CDH12: variants seen among roughly 807,000 people sequenced by gnomAD.
CDH12 encodes cadherin 12.
CDH12 carries 41 observed loss-of-function variants against 74.1 expected under a neutral mutation model. That is an observed-to-expected ratio of 0.55 (90% CI 0.43 to 0.72). The LOEUF (loss-of-function observed/expected upper bound fraction) is 0.72. CDH12 is among the 30% of genes least tolerant of loss of function. The pLI, the probability that CDH12 is intolerant of heterozygous loss-of-function variation, is 0.00. For missense variants in CDH12, 945 were observed against 977.2 expected, an observed-to-expected ratio of 0.97 and a Z score of 0.44; for synonymous variants, 399 against 355.0, an observed-to-expected ratio of 1.12 and a Z score of -1.39.
Position 22,751,256 on chromosome 5 carries a change from G to A in CDH12, c.-523+101802C>T, listed in dbSNP as rs1745556795. The stretch of plus-strand genomic sequence containing the variant: ...CTTATCGCATATCTGAAAAAGCACA[G>A]TGGTCCCTTTTTGAGAATAATGGAA... On this transcript the variant is annotated intron_variant, in intron 1 of 14. Transcript: ENST00000382254. 1.3e-5 allele frequency among the ~76,000 whole-genome samples: 2 copies of A among 150,246 alleles called. 1 individual carries two copies. Among genetic ancestry groups the A allele is most frequent in the South Asian group, 4.2e-4 (2 of 4,794 alleles).
At chr5:22,137,802 G>C (rs5018086) in intron 4 of CDH12, among the ~76,000 whole-genome samples, 55,161 of 147,824 alleles carry the variant, frequency 0.37, 9,388 homozygotes, top group Middle Eastern at 0.48. Context: ...AACAAAACTG[G>C]GCCCCATGGA....
chr5:22,509,723 C>T (rs1347043362), intron 1 of CDH12, among the ~76,000 whole-genome samples: 2 of 152,040 alleles, frequency 1.3e-5, no homozygotes, highest in African/African-American at 4.8e-5. Context: ...GAAACAAACA[C>T]AAAAATCTTC....
chr5:21,783,280 T>A, intron 11 of CDH12, 78 bp downstream of exon 11: 3 of 1,295,392 alleles, frequency 2.3e-6, no homozygotes, highest in Non-Finnish European at 3.2e-6. Flanking sequence ...ATGAAAAACA[T>A]CTCAGCAGGG....
intron 1 of CDH12, chr5:22,639,096 T>C (rs1375717118): frequency 3.1e-5 from 4 of 128,882 alleles, no homozygotes; most frequent in Admixed American, 8.0e-5. Context: ...AAAGAATGCC[T>C]GGAGAAGCAG....
chr5:21,832,828 T>G (rs1200661734), intron 8 of CDH12, among the ~76,000 whole-genome samples: 2 of 116,046 alleles, frequency 1.7e-5, no homozygotes, highest in African/African-American at 6.4e-5. Flanking sequence ...TGATATATAT[T>G]ATAATAATAT....
At chr5:22,259,628 C>A (rs1171009858) in intron 3 of CDH12, among the ~76,000 whole-genome samples, 1 of 151,984 alleles carries the variant, frequency 6.6e-6, no homozygotes, top group African/African-American at 2.4e-5. Flanking sequence ...AATAATGAAA[C>A]TACCAGTGCT....
chr5:22,293,809 G>C (rs933253869), intron 3 of CDH12, among the ~76,000 whole-genome samples: 1 of 152,148 alleles, frequency 6.6e-6, no homozygotes. Context: ...CAGAAGTAGA[G>C]AGTAGGATGG....
chr5:22,087,351 GA>G (rs1447793164), intron 4 of CDH12, among the ~76,000 whole-genome samples: 1 of 151,966 alleles, frequency 6.6e-6, no homozygotes, highest in African/African-American at 2.4e-5. Context: ...CAAGAATGGG[GA>G]AAAAAGGTCG....
Position 22,712,610 on chromosome 5 carries a change from T to C in CDH12, c.-523+140448A>G, listed in dbSNP as rs535395616. 2.6e-5 allele frequency among the ~76,000 whole-genome samples: 4 copies of C among 152,314 alleles called. No individual in the cohort carries two copies. In the South Asian group the frequency reaches 8.3e-4, roughly 32 times the overall value. On this transcript the variant is annotated intron_variant, in intron 1 of 14. Coordinates refer to ENST00000382254, the MANE Select transcript of CDH12 (RefSeq NM_004061.5). Reference sequence around the variant, plus strand: ...AAATAACTAATTGTTTTAATTGGTTTCTCTGTTGTAGACATTGTTCTGAAA... The same window carrying C: ...AAATAACTAATTGTTTTAATTGGTTCCTCTGTTGTAGACATTGTTCTGAAA...
intron 4 of CDH12, among the ~76,000 whole-genome samples, chr5:22,169,863 AT>A (rs946844769): frequency 1.4e-4 from 21 of 151,956 alleles, no homozygotes; most frequent in African/African-American, 4.6e-4. Flanking sequence ...AGGAAGTGGT[AT>A]TTTTGAGATT....
In CDH12 at chr5:22,132,927, T is replaced by A. The variant is rs535071173; in HGVS notation, c.-186-54065A>T. On this transcript the variant is annotated intron_variant, in intron 4 of 14. Transcript: ENST00000382254. ...TTTTGCACAGAGGCTTCAGTTTTGATCAAACATGTTTTGTTTTCGATTATC... is the reference window on the plus strand; with the variant it reads ...TTTTGCACAGAGGCTTCAGTTTTGAACAAACATGTTTTGTTTTCGATTATC... 2.0e-5 allele frequency among the ~76,000 whole-genome samples: 3 copies of A among 152,202 alleles called. No individual in the cohort carries two copies. The South Asian group carries it at 6.2e-4, about 32-fold the overall frequency.
chr5:22,028,556 G>T (rs999979144), intron 5 of CDH12, among the ~76,000 whole-genome samples: 1 of 152,122 alleles, frequency 6.6e-6, no homozygotes, highest in Non-Finnish European at 1.5e-5. Flanking sequence ...ACTTACAAGG[G>T]ACGTGAAGGA....
intron 4 of CDH12, among the ~76,000 whole-genome samples, chr5:22,149,044 G>C (rs2150307398): frequency 6.6e-6 from 1 of 152,280 alleles, no homozygotes; most frequent in African/African-American, 2.4e-5. Flanking sequence ...CTTGAACCCA[G>C]GAGGCAGAGG....
intron 1 of CDH12, among the ~76,000 whole-genome samples, chr5:22,702,333 A>T (rs1442860588): frequency 6.6e-6 from 1 of 152,150 alleles, no homozygotes; most frequent in African/African-American, 2.4e-5. Flanking sequence ...TCACCCATAT[A>T]CAGGTAGGAA....
intron 5 of CDH12, among the ~76,000 whole-genome samples, chr5:21,981,618 G>A (rs1227239311): frequency 2.6e-5 from 4 of 151,738 alleles, no homozygotes; most frequent in Admixed American, 2.0e-4. Context: ...TCTTCTCCCC[G>A]TCCCCCACCA....
intron 3 of CDH12, among the ~76,000 whole-genome samples, chr5:22,361,844 TAATA>T (rs1740819244): frequency 6.6e-6 from 1 of 152,160 alleles, no homozygotes; most frequent in Non-Finnish European, 1.5e-5. Flanking sequence ...GTTCCCTATT[TAATA>T]AATGGTGCTG....
At chr5:22,153,067 G>A (rs773268715) in intron 4 of CDH12, among the ~76,000 whole-genome samples, 46 of 152,176 alleles carry the variant, frequency 3.0e-4, no homozygotes, top group Admixed American at 2.4e-3. Context: ...GCTCCAGTGA[G>A]CATTGGAGCA....
intron 4 of CDH12, among the ~76,000 whole-genome samples, chr5:22,200,901 T>C (rs1216094797): frequency 6.6e-6 from 1 of 152,204 alleles, no homozygotes; most frequent in African/African-American, 2.4e-5. Flanking sequence ...TGTGGCATTA[T>C]TCAATGATGT....
intron 13 of CDH12, among the ~76,000 whole-genome samples, chr5:21,758,324 T>G (rs907362142): frequency 6.6e-6 from 1 of 151,890 alleles, no homozygotes; most frequent in African/African-American, 2.4e-5. Context: ...TTATTCAAAC[T>G]CTACTCAACT....
Sources: allele counts gnomAD v4.1 joint callset (sites outside exome capture counted in the v4.1 genomes callset), GRCh38; gene constraint gnomAD v4.1.1; transcripts MANE v1.5; gene names NCBI Gene and HGNC (gene_info 2026-07-23, HGNC 2026-07-21).